Variants in ORC2 observed in about 807,000 individuals in gnomAD.
ORC2 encodes origin recognition complex protein 2 homolog.
Under a neutral mutation model 77.7 loss-of-function variants are expected in ORC2, and 37 were observed. The observed-to-expected ratio is 0.48, with a 90% CI of 0.37 to 0.63. The LOEUF (loss-of-function observed/expected upper bound fraction) is 0.63. Ranked by LOEUF, ORC2 falls within the 20% of genes least tolerant of loss-of-function variation. The probability of loss-of-function intolerance (pLI) is 0.00; values close to 1 mark genes in which losing one functional copy is unlikely to be tolerated. For missense variants in ORC2, 557 were observed against 661.9 expected (o/e 0.84, Z 1.74); for synonymous variants, 201 against 229.5 (o/e 0.88, Z 1.12).
chr2:200,953,493 T>C lies in ORC2; in HGVS notation c.239-3850A>G, dbSNP rs540633336. Among the ~76,000 whole-genome samples, 12 of 152,026 alleles carry C rather than the reference T, an allele frequency of 7.9e-5. 1 individual carries two copies. The South Asian group carries it at 1.5e-3, about 18-fold the overall frequency. On this transcript the variant is annotated intron_variant, in intron 4 of 17. Coordinates refer to ENST00000234296, the MANE Select transcript of ORC2 (RefSeq NM_006190.5). ...AACCCTTGTACACTGTAGGTTGATATGTAAAATGGTGCAGCCACTGTGCAA... is the reference window on the plus strand; with the variant it reads ...AACCCTTGTACACTGTAGGTTGATACGTAAAATGGTGCAGCCACTGTGCAA...
At chr2:200,923,911 G>C (rs369229611) in intron 13 of ORC2, among the ~76,000 whole-genome samples, 41 of 152,160 alleles carry the variant, frequency 2.7e-4, no homozygotes, top group East Asian at 1.2e-3. Context: ...TTGCCACTCT[G>C]TGCCATGTTT....
At chr2:200,960,373 T>C (rs1481793620) in intron 1 of ORC2, among the ~76,000 whole-genome samples, 1 of 152,150 alleles carries the variant, frequency 6.6e-6, no homozygotes, top group East Asian at 1.9e-4. Context: ...AAAATAAAGA[T>C]AATAAATACT....
chr2:200,922,621 A>G (rs750934487), intron 13 of ORC2, among the ~76,000 whole-genome samples: 4 of 151,794 alleles, frequency 2.6e-5, no homozygotes. Context: ...AAGAGAGACA[A>G]TACAGTGACA....
At chr2:200,956,108 C>G (rs958314576) in intron 4 of ORC2, among the ~76,000 whole-genome samples, 1 of 152,156 alleles carries the variant, frequency 6.6e-6, no homozygotes, top group Non-Finnish European at 1.5e-5. Context: ...CGCTTTGTCA[C>G]CCAGGCTGAG....
Position 200,910,263 on chromosome 2 carries a change from C to G in ORC2, c.*1038G>C, listed in dbSNP as rs1299843478. 6.6e-6 allele frequency: 1 copy of G among 151,890 alleles called. No individual in the cohort carries two copies. Among genetic ancestry groups the G allele is most frequent in the African/African-American group, 2.4e-5 (1 of 41,210 alleles). 9.4% of individuals were successfully genotyped at this position (151,890 alleles called of 1,614,324 possible). A position where few individuals can be genotyped will look rare whatever the true frequency, so the allele number is the denominator to read the frequency against. On this transcript the variant is annotated 3_prime_UTR_variant, in exon 18 of 18. Coordinates refer to ENST00000234296, the MANE Select transcript of ORC2 (RefSeq NM_006190.5). Reference sequence around the variant, plus strand: ...TCAGGGGGTATGTGATGACTGTAAGCTGACAACAGTAGCCAAGGTGAGCCT... The same window carrying G: ...TCAGGGGGTATGTGATGACTGTAAGGTGACAACAGTAGCCAAGGTGAGCCT...
chr2:200,949,652 A>G lies in ORC2; in HGVS notation c.239-9T>C, dbSNP rs758533521. The G allele has an allele frequency of 6.7e-7, 1 of 1,500,100 alleles. No individual in the cohort carries two copies. Among genetic ancestry groups the G allele is most frequent in the South Asian group, 1.2e-5 (1 of 84,726 alleles). The allele number at this position is 1,500,100 out of a possible 1,614,324, so 92.9% of individuals were successfully genotyped here. ...GCCATTTTTCAATGATTCTGAAAGAAAAAAATGCAATATACATTTAGGAAA... is the reference window on the plus strand; with the variant it reads ...GCCATTTTTCAATGATTCTGAAAGAGAAAAATGCAATATACATTTAGGAAA... On this transcript the variant is annotated splice_polypyrimidine_tract_variant and intron_variant, in intron 4 of 17. Coordinates refer to ENST00000234296, the MANE Select transcript of ORC2 (RefSeq NM_006190.5).
intron 5 of ORC2, among the ~76,000 whole-genome samples, chr2:200,945,750 T>C (rs1173090811): frequency 6.6e-6 from 1 of 152,210 alleles, no homozygotes; most frequent in African/African-American, 2.4e-5. Context: ...TTTCTAATTT[T>C]TTTAAAAAGA....
At chr2:200,934,972 ATCAT>A (rs2041009757) in intron 9 of ORC2, among the ~76,000 whole-genome samples, 2 of 152,240 alleles carry the variant, frequency 1.3e-5, no homozygotes, top group Admixed American at 1.3e-4. Flanking sequence ...CCCTAGCCAC[ATCAT>A]TCATTACACT....
At chr2:200,961,311 T>G (rs1013534308) in intron 1 of ORC2, among the ~76,000 whole-genome samples, 1 of 151,902 alleles carries the variant, frequency 6.6e-6, no homozygotes, top group African/African-American at 2.4e-5. Flanking sequence ...AGGCGTGCAA[T>G]GCCAAGCCTT....
At chr2:200,918,383 A>G (rs2040695404) in intron 15 of ORC2, among the ~76,000 whole-genome samples, 1 of 152,180 alleles carries the variant, frequency 6.6e-6, no homozygotes, top group African/African-American at 2.4e-5. Flanking sequence ...AAGAGTGAGA[A>G]GTATTATGCC....
intron 4 of ORC2, among the ~76,000 whole-genome samples, chr2:200,950,613 T>C (rs376946539): frequency 6.6e-6 from 1 of 152,208 alleles, no homozygotes; most frequent in African/African-American, 2.4e-5. Flanking sequence ...TATTGACTAA[T>C]GGAATGCGTG....
intron 2 of ORC2, among the ~76,000 whole-genome samples, chr2:200,958,932 T>C (rs1252815776): frequency 6.6e-6 from 1 of 152,246 alleles, no homozygotes; most frequent in Non-Finnish European, 1.5e-5. Flanking sequence ...TTCAGTGTTC[T>C]TGGTGATTTC....
At chr2:200,960,284 A>T (rs1330669814) in intron 1 of ORC2, among the ~76,000 whole-genome samples, 6 of 152,172 alleles carry the variant, frequency 3.9e-5, no homozygotes, top group South Asian at 2.1e-4. Context: ...GGTCAAAAAA[A>T]TTTTTTTAAA....
chr2:200,948,574 G>A (rs1040841928), intron 5 of ORC2, among the ~76,000 whole-genome samples: 1 of 151,730 alleles, frequency 6.6e-6, no homozygotes, highest in South Asian at 2.1e-4. Flanking sequence ...TTGTTTGTTT[G>A]TTTTTTGAGA....
At chr2:200,953,426 T>TA (rs200903207) in intron 4 of ORC2, among the ~76,000 whole-genome samples, 3 of 111,570 alleles carry the variant, frequency 2.7e-5, no homozygotes, top group African/African-American at 6.4e-5. Flanking sequence ...TTTTTTTTTT[T>TA]AAAAAAGGAA....
At chr2:200,941,750 G>A (rs1274970318) in intron 6 of ORC2, among the ~76,000 whole-genome samples, 1 of 152,100 alleles carries the variant, frequency 6.6e-6, no homozygotes, top group Non-Finnish European at 1.5e-5. Context: ...ACTTTGGGAG[G>A]CCAAGGCAGG....
chr2:200,948,764 AT>A, intron 5 of ORC2, among the ~76,000 whole-genome samples: 1 of 151,870 alleles, frequency 6.6e-6, no homozygotes, highest in Non-Finnish European at 1.5e-5. Flanking sequence ...GGGTTTTACC[AT>A]GTTAGCCAGG....
intron 15 of ORC2, among the ~76,000 whole-genome samples, chr2:200,916,804 G>A (rs527900494): frequency 2.6e-5 from 4 of 151,908 alleles, no homozygotes; most frequent in Non-Finnish European, 2.9e-5. Flanking sequence ...CTGGGTTCAC[G>A]CCATTCTCCT....
At chr2:200,932,467 G>A (rs1275109172) in intron 10 of ORC2, among the ~76,000 whole-genome samples, 1 of 151,406 alleles carries the variant, frequency 6.6e-6, no homozygotes, top group Non-Finnish European at 1.5e-5. Flanking sequence ...AGCCTCCTGA[G>A]TAGCTGGGAG....
Sources: allele counts gnomAD v4.1 joint callset (sites outside exome capture counted in the v4.1 genomes callset), GRCh38; gene constraint gnomAD v4.1.1; transcripts MANE v1.5; gene names NCBI Gene and HGNC (gene_info 2026-07-23, HGNC 2026-07-21).